TET3: variants seen among roughly 807,000 people sequenced by gnomAD.
TET3 encodes the protein tet methylcytosine dioxygenase 3.
TET3 carries 19 observed loss-of-function variants against 141.4 expected under a neutral mutation model. The observed-to-expected ratio is 0.13, with a 90% CI of 0.09 to 0.20. The LOEUF (loss-of-function observed/expected upper bound fraction) is 0.20, where lower values mean the gene tolerates loss of function less well. Ranked by LOEUF, TET3 falls within the 10% of genes least tolerant of loss-of-function variation. The pLI is 1.00. For missense variants in TET3, 1,874 were observed against 2,356.9 expected (o/e 0.80, Z 4.24); for synonymous variants, 1,043 against 980.9 (o/e 1.06, Z -1.18).
chr2:73,987,997 T>G (rs765659481), intron 2 of TET3, among the ~76,000 whole-genome samples: 12 of 152,194 alleles, frequency 7.9e-5, no homozygotes, highest in Non-Finnish European at 1.6e-4. Flanking sequence ...TCTCACCTTG[T>G]CTTGTCCGTG....
At position 74,105,271 on chromosome 2, in the gene TET3, C is replaced by T. The variant is rs1558803380; in HGVS notation, c.*3095C>T. The T allele has an allele frequency of 2.5e-6, 1 of 398,624 alleles. No homozygotes were observed. Among genetic ancestry groups the T allele is most frequent in the Non-Finnish European group, 4.4e-6 (1 of 226,070 alleles). The allele number at this position is 398,624 out of a possible 1,614,324, so 24.7% of individuals were successfully genotyped here. On this transcript the variant is annotated 3_prime_UTR_variant, in exon 12 of 12. Coordinates refer to ENST00000409262, the MANE Select transcript of TET3 (RefSeq NM_001287491.2). Reference sequence around the variant, plus strand: ...TCATCTCCCCAGTGTGCCCTGTCCACGGACACCATCCACGTGCAGTGCAAA... The same window carrying T: ...TCATCTCCCCAGTGTGCCCTGTCCATGGACACCATCCACGTGCAGTGCAAA...
chr2:73,986,345 G>C lies in TET3; in HGVS notation c.-59G>C. 1.6e-5 allele frequency: 20 copies of C among 1,227,482 alleles called. No individual in the cohort carries two copies. Among genetic ancestry groups the C allele is most frequent in the Non-Finnish European group, 1.9e-5 (19 of 984,056 alleles). 76.0% of individuals were successfully genotyped at this position (1,227,482 alleles called of 1,614,324 possible). ...AAGGACCTGTTGGTGGCCTTTGGAG[G>C]TGGCAGGAAACGACTGTGGTTCTGC... On this transcript the variant is annotated 5_prime_UTR_variant, in exon 2 of 12. Transcript: ENST00000409262.
In TET3 at chr2:74,090,113, C is replaced by T. The variant is rs1558784734; in HGVS notation, c.3039+66C>T. On this transcript the variant is annotated intron_variant, in intron 8 of 11. Coordinates refer to ENST00000409262, the MANE Select transcript of TET3 (RefSeq NM_001287491.2). ...TCGCCTGGCGTCCTTCATGGTCCAGCGGGAGGTAGTACTGGCACGCCATGA... is the reference window on the plus strand; with the variant it reads ...TCGCCTGGCGTCCTTCATGGTCCAGTGGGAGGTAGTACTGGCACGCCATGA... 16 of 1,590,926 alleles carry T rather than the reference C, an allele frequency of 1.0e-5. No homozygotes were observed. In the East Asian group the frequency reaches 1.8e-4, roughly 18 times the overall value.
intron 1 of TET3, among the ~76,000 whole-genome samples, chr2:73,985,658 C>G (rs576793703): frequency 6.6e-6 from 1 of 152,026 alleles, no homozygotes; most frequent in Admixed American, 6.5e-5. Flanking sequence ...GAGGGCCCGG[C>G]GGCCTCCAGC....
intron 3 of TET3, among the ~76,000 whole-genome samples, chr2:74,021,415 C>T (rs1256458101): frequency 6.6e-6 from 1 of 152,242 alleles, no homozygotes; most frequent in Non-Finnish European, 1.5e-5. Context: ...TTCTACACTG[C>T]CACCTCCATC....
the TET3 span, chr2:74,122,511 A>ATATATATATATT: frequency 2.1e-5 from 1 of 47,554 alleles, no homozygotes; most frequent in African/African-American, 8.1e-5. Flanking sequence ...ATATATATAT[A>ATATATATATATT]TTTTTTTTTT....
the TET3 span, among the ~76,000 whole-genome samples, chr2:74,130,233 C>T: frequency 6.6e-6 from 1 of 152,162 alleles, no homozygotes; most frequent in African/African-American, 2.4e-5. Context: ...CTCTCATCTG[C>T]CACCCTAAAC....
chr2:74,101,904 C>T lies in TET3; in HGVS notation c.5116C>T (p.Leu1706=), dbSNP rs749949657. The stretch of plus-strand genomic sequence containing the variant: ...GAACCTCAACCAGCCCAACCACGGG[C>T]TGGCCCTCTGGGAAGCCAAGATGAA... The part of the protein sequence containing the change: ...HKNLNQPNHG[L]ALWEAKMKQL... Residue 1706 remains leucine, a synonymous_variant, in exon 12 of 12, where the codon CTG becomes TTG. Transcript: ENST00000409262. This position sits in a 1 kb window ranked among gnomAD's most constrained non-coding sequence, Gnocchi z 8.5. 1.2e-6 allele frequency: 2 copies of T among 1,613,306 alleles called. No individual in the cohort carries two copies. The highest frequency in any genetic ancestry group is 2.2e-5 in the East Asian group (1 of 44,862).
intron 3 of TET3, among the ~76,000 whole-genome samples, chr2:74,009,192 C>T (rs1227218573): frequency 6.6e-6 from 1 of 152,192 alleles, no homozygotes; most frequent in Admixed American, 6.5e-5. Flanking sequence ...CCTGCCAGTC[C>T]ACCTTCCTGT....
chr2:74,088,222 G>A (rs1442140991), intron 7 of TET3, among the ~76,000 whole-genome samples, 184 bp downstream of exon 7: 1 of 152,186 alleles, frequency 6.6e-6, no homozygotes, highest in Admixed American at 6.5e-5. Flanking sequence ...CTGGGTTCTA[G>A]CTCTGGCTCC....
chr2:74,072,238 C>T (rs934044757), intron 4 of TET3, among the ~76,000 whole-genome samples: 3 of 152,172 alleles, frequency 2.0e-5, no homozygotes, highest in Non-Finnish European at 4.4e-5. Flanking sequence ...TTTGGTGGGG[C>T]ACAACAGCTT....
intron 4 of TET3, among the ~76,000 whole-genome samples, chr2:74,055,245 C>A (rs1429656324): frequency 1.3e-5 from 2 of 152,166 alleles, no homozygotes; most frequent in African/African-American, 4.8e-5. Context: ...AAGCCTATGG[C>A]AAGTACCCTT....
At chr2:74,006,799 C>T (rs1685174998) in intron 3 of TET3, among the ~76,000 whole-genome samples, 1 of 152,222 alleles carries the variant, frequency 6.6e-6, no homozygotes, top group Non-Finnish European at 1.5e-5. Context: ...CATTTCCTCT[C>T]ACACCCGGGC....
intron 3 of TET3, among the ~76,000 whole-genome samples, chr2:74,040,126 G>A (rs1687265888): frequency 6.6e-6 from 1 of 152,210 alleles, no homozygotes; most frequent in Non-Finnish European, 1.5e-5. Context: ...TTAAACTGAA[G>A]ATTGAAGCCA....
intron 4 of TET3, among the ~76,000 whole-genome samples, chr2:74,055,008 GC>G (rs1558752571): frequency 6.6e-6 from 1 of 152,052 alleles, no homozygotes; most frequent in South Asian, 2.1e-4. Context: ...CGATCGTCCT[GC>G]CTCAGCCTCC....
Position 74,038,284 on chromosome 2 carries a change from G to A in TET3, c.361-7994G>A, listed in dbSNP as rs558447660. 4.6e-5 allele frequency among the ~76,000 whole-genome samples: 7 copies of A among 152,270 alleles called. 1 individual carries two copies. In the South Asian group the frequency reaches 1.2e-3, roughly 27 times the overall value. The stretch of plus-strand genomic sequence containing the variant: ...ATGTCTCTTCTTGGATCTGAGAAGG[G>A]CATTTTCTCTGCCTGAGTAATGTTT... On this transcript the variant is annotated intron_variant, in intron 3 of 11. Coordinates refer to ENST00000409262, the MANE Select transcript of TET3 (RefSeq NM_001287491.2).
chr2:74,077,690 C>A (rs552514784), intron 5 of TET3, among the ~76,000 whole-genome samples: 1 of 152,084 alleles, frequency 6.6e-6, no homozygotes, highest in Non-Finnish European at 1.5e-5. Flanking sequence ...TTGTCTAATG[C>A]GAGGTTCACT....
At chr2:74,113,052 T>C (rs1691743862), downstream of TET3, among the ~76,000 whole-genome samples, 1 of 142,194 alleles carries the variant, frequency 7.0e-6, no homozygotes, top group East Asian at 2.1e-4. Flanking sequence ...GTTAACATCT[T>C]ACTGAATGGA....
At chr2:74,030,090 A>C (rs567234308) in intron 3 of TET3, among the ~76,000 whole-genome samples, 16 of 152,178 alleles carry the variant, frequency 1.1e-4, no homozygotes, top group Non-Finnish European at 1.9e-4. Context: ...TCACTACTCT[A>C]TCCACAAAGA....
Sources: allele counts gnomAD v4.1 joint callset (sites outside exome capture counted in the v4.1 genomes callset), GRCh38; gene constraint gnomAD v4.1.1; non-coding constraint Gnocchi (gnomAD v3.1); transcripts MANE v1.5; gene names NCBI Gene and HGNC (gene_info 2026-07-23, HGNC 2026-07-21).